The following KIRREL3 variants were observed in gnomAD, a reference collection of about 807,000 sequenced individuals.
KIRREL3 encodes kirre like nephrin family adhesion molecule 3.
KIRREL3 carries 36 observed loss-of-function variants against 89.7 expected under a neutral mutation model. That is an observed-to-expected ratio of 0.40 (90% CI 0.31 to 0.53). The LOEUF is 0.53. Ranked by LOEUF, KIRREL3 falls within the 20% of genes least tolerant of loss-of-function variation. The probability of loss-of-function intolerance (pLI) is 0.49; values close to 1 mark genes in which losing one functional copy is unlikely to be tolerated. For synonymous variants in KIRREL3, 445 were observed against 441.4 expected, an observed-to-expected ratio of 1.01 and a Z score of -0.10; for missense variants, 864 against 1,056.6, an observed-to-expected ratio of 0.82 and a Z score of 2.53.
intron 1 of KIRREL3, among the ~76,000 whole-genome samples, chr11:126,887,043 A>G (rs530525891): frequency 6.6e-6 from 1 of 152,250 alleles, no homozygotes; most frequent in African/African-American, 2.4e-5. Context: ...TCCCTATCTC[A>G]TATGGTTTCA....
rs528300635 is a variant in KIRREL3 at position 126,611,609 on chromosome 11, T to C, written c.56-48697A>G. 1.4e-4 allele frequency among the ~76,000 whole-genome samples: 22 copies of C among 152,190 alleles called. No homozygotes were observed. The highest frequency in any genetic ancestry group is 2.6e-4 in the Non-Finnish European group (18 of 68,028). On this transcript the variant is annotated intron_variant, in intron 1 of 16. Coordinates refer to ENST00000525144, the MANE Select transcript of KIRREL3 (RefSeq NM_032531.4). The surrounding 1 kb of genome is among the most constrained non-coding windows in gnomAD (Gnocchi z 4.7). ...GGCAATGGCCTGCAGAGTCCAAAGG[T>C]GGCTGTCATGTCATTTGTCCACGTT... is the stretch of plus-strand genomic sequence containing the variant.
chr11:126,862,413 C>T (rs1944733671), intron 1 of KIRREL3, among the ~76,000 whole-genome samples: 1 of 152,224 alleles, frequency 6.6e-6, no homozygotes, highest in East Asian at 1.9e-4. Context: ...GAAGCCAGCC[C>T]TCTGCTGTGG....
intron 1 of KIRREL3, among the ~76,000 whole-genome samples, chr11:126,618,118 C>G (rs544791579): frequency 6.6e-6 from 1 of 152,268 alleles, no homozygotes; most frequent in South Asian, 2.1e-4. Flanking sequence ...TGTGTAGCAC[C>G]TCCCCACTCC....
intron 1 of KIRREL3, among the ~76,000 whole-genome samples, chr11:126,926,905 T>C (rs976219758): frequency 2.6e-5 from 4 of 152,202 alleles, no homozygotes; most frequent in Admixed American, 2.0e-4. Context: ...GAGAAAAAAA[T>C]CAAAAGCAGA....
In KIRREL3 at chr11:126,628,788, G is replaced by C. The variant is rs1314337374; in HGVS notation, c.56-65876C>G. Reference sequence around the variant, plus strand: ...GCCCAGCCTGCTACCTGGAGCCAGGGCCTCGCCTCTACTGCCCCCTCCGCT... The same window carrying C: ...GCCCAGCCTGCTACCTGGAGCCAGGCCCTCGCCTCTACTGCCCCCTCCGCT... On this transcript the variant is annotated intron_variant, in intron 1 of 16. Transcript: ENST00000525144. The surrounding 1 kb of genome is among the most constrained non-coding windows in gnomAD (Gnocchi z 5.2). Among the ~76,000 whole-genome samples the C allele has an allele frequency of 6.6e-6, 1 of 152,152 alleles. No individual in the cohort carries two copies. Among genetic ancestry groups the C allele is most frequent in the Admixed American group, 6.5e-5 (1 of 15,278 alleles).
chr11:126,700,575 G>A (rs1239315529), intron 1 of KIRREL3, among the ~76,000 whole-genome samples: 4 of 152,214 alleles, frequency 2.6e-5, no homozygotes, highest in African/African-American at 9.6e-5. Context: ...GCTGTCCCCA[G>A]ATCAGCTGAG....
At chr11:126,781,810 T>A (rs1950334610) in intron 1 of KIRREL3, among the ~76,000 whole-genome samples, 2 of 152,090 alleles carry the variant, frequency 1.3e-5, no homozygotes, top group Admixed American at 1.3e-4. Flanking sequence ...ATGTTGCTTT[T>A]AAAAAAATTG....
chr11:126,932,626 G>T (rs1009923777), intron 1 of KIRREL3, among the ~76,000 whole-genome samples: 2 of 152,162 alleles, frequency 1.3e-5, no homozygotes, highest in African/African-American at 2.4e-5. Context: ...CCCCCAGCAG[G>T]CTCTTCAGGC....
Position 126,811,243 on chromosome 11 carries a change from G to A in KIRREL3, c.55+189212C>T, listed in dbSNP as rs975088267. On this transcript the variant is annotated intron_variant, in intron 1 of 16. Coordinates refer to ENST00000525144, the MANE Select transcript of KIRREL3 (RefSeq NM_032531.4). This position sits in a 1 kb window ranked among gnomAD's most constrained non-coding sequence, Gnocchi z 4.3. ...TGAGAATTCTTCTGTTTTCCAGGAG[G>A]TGTCCCTAGTACCCTTCCCACCCGC... 5.9e-5 allele frequency among the ~76,000 whole-genome samples: 9 copies of A among 152,194 alleles called. No individual in the cohort carries two copies. Among genetic ancestry groups the A allele is most frequent in the African/African-American group, 2.2e-4 (9 of 41,438 alleles).
intron 4 of KIRREL3, among the ~76,000 whole-genome samples, chr11:126,497,180 G>C (rs925958301): frequency 2.4e-5 from 3 of 123,520 alleles, no homozygotes; most frequent in African/African-American, 9.9e-5. Context: ...GTAAGAGAGT[G>C]TGTGAGAGTG....
chr11:126,800,945 G>T (rs778141824), intron 1 of KIRREL3, among the ~76,000 whole-genome samples: 1 of 152,184 alleles, frequency 6.6e-6, no homozygotes, highest in African/African-American at 2.4e-5. Context: ...GCTGTTGGAG[G>T]TTGGTGAGGG....
intron 1 of KIRREL3, among the ~76,000 whole-genome samples, chr11:126,823,330 C>T (rs1479091372): frequency 6.6e-6 from 1 of 152,280 alleles, no homozygotes; most frequent in Non-Finnish European, 1.5e-5. Flanking sequence ...GAAAGTTGCT[C>T]ATCTAACCTC....
chr11:126,838,227 T>C (rs894457492), intron 1 of KIRREL3, among the ~76,000 whole-genome samples: 1 of 152,236 alleles, frequency 6.6e-6, no homozygotes, highest in African/African-American at 2.4e-5. Flanking sequence ...TGTCATCATG[T>C]TTAAAATACA....
rs570560805 is a variant in KIRREL3, at chr11:126,685,290, T to A, written c.56-122378A>T. On this transcript the variant is annotated intron_variant, in intron 1 of 16. Coordinates refer to ENST00000525144, the MANE Select transcript of KIRREL3 (RefSeq NM_032531.4). This position sits in a 1 kb window ranked among gnomAD's most constrained non-coding sequence, Gnocchi z 5.5. ...GAACACACAATTGAGCAACAAAACA[T>A]AGTCACACAGGGCCTGCCTCACACC... is the stretch of plus-strand genomic sequence containing the variant. Among the ~76,000 whole-genome samples the A allele has an allele frequency of 2.6e-5, 4 of 152,184 alleles. No homozygotes were observed. In the East Asian group the frequency reaches 5.8e-4, roughly 22 times the overall value.
rs139265999 is a variant in KIRREL3 at position 126,563,550 on chromosome 11, C to G, written c.56-638G>C. On this transcript the variant is annotated intron_variant, in intron 1 of 16. Transcript: ENST00000525144. The surrounding 1 kb of genome is among the most constrained non-coding windows in gnomAD (Gnocchi z 6.8). ...CTTCCTATATCAAGGCCCAATTTAGCACCATCATCAAGCACTTATGAAATG... is the reference window on the plus strand; with the variant it reads ...CTTCCTATATCAAGGCCCAATTTAGGACCATCATCAAGCACTTATGAAATG... 3.3e-5 allele frequency among the ~76,000 whole-genome samples: 5 copies of G among 150,492 alleles called. No homozygotes were observed. The highest frequency in any genetic ancestry group is 2.6e-4 in the Admixed American group (4 of 15,234).
At chr11:126,893,654 G>A (rs1014330191) in intron 1 of KIRREL3, among the ~76,000 whole-genome samples, 3 of 152,332 alleles carry the variant, frequency 2.0e-5, no homozygotes, top group Middle Eastern at 3.4e-3. Flanking sequence ...TCTGGACTTA[G>A]AAGCTCCGCA....
rs183625635 is a variant in KIRREL3, at chr11:126,750,438, C to A, written c.56-187526G>T. On this transcript the variant is annotated intron_variant, in intron 1 of 16. Transcript: ENST00000525144. The surrounding 1 kb of genome is among the most constrained non-coding windows in gnomAD (Gnocchi z 4.2). ...GTTAGCCAGAGAGGAACACTCTTACCCTCTTTAGAAACAGAAGGGACTGGA... is the reference window on the plus strand; with the variant it reads ...GTTAGCCAGAGAGGAACACTCTTACACTCTTTAGAAACAGAAGGGACTGGA... 6.2e-4 allele frequency among the ~76,000 whole-genome samples: 95 copies of A among 152,230 alleles called. 1 individual carries two copies. Among genetic ancestry groups the A allele is most frequent in the Admixed American group, 1.6e-3 (25 of 15,296 alleles).
intron 2 of KIRREL3, among the ~76,000 whole-genome samples, chr11:126,538,113 C>T (rs112110593): frequency 4.8e-5 from 7 of 146,816 alleles, no homozygotes; most frequent in African/African-American, 1.8e-4. Flanking sequence ...CCATTAGAAA[C>T]CTGCATGGGT....
At chr11:126,584,905 T>G (rs1941744262) in intron 1 of KIRREL3, among the ~76,000 whole-genome samples, 1 of 149,280 alleles carries the variant, frequency 6.7e-6, no homozygotes. Flanking sequence ...ACCTTTTTCT[T>G]TTTTCTTTGC....
Sources: gnomAD v4.1 joint callset for allele counts (sites outside exome capture counted in the v4.1 genomes callset) on GRCh38, gnomAD v4.1.1 for gene constraint, Gnocchi (gnomAD v3.1) non-coding constraint, MANE v1.5 for transcripts, NCBI Gene and HGNC (gene_info 2026-07-23, HGNC 2026-07-21) for gene names.